Variants in QTMAN observed in about 807,000 individuals in gnomAD.
QTMAN encodes the protein tRNA-queuosine alpha-mannosyltransferase.
the QTMAN span, among the ~76,000 whole-genome samples, chr2:144,162,808 C>G: frequency 6.6e-6 from 1 of 152,106 alleles, no homozygotes; most frequent in Non-Finnish European, 1.5e-5. Flanking sequence ...GCATCTGAAG[C>G]TAAGGATGTG....
the QTMAN span, among the ~76,000 whole-genome samples, chr2:144,267,208 T>C: frequency 6.6e-6 from 1 of 152,200 alleles, no homozygotes; most frequent in Admixed American, 6.5e-5. Flanking sequence ...AGAATTATGA[T>C]TTATCTGTGA....
At chr2:144,025,518 G>A in the QTMAN span, among the ~76,000 whole-genome samples, 231 of 152,298 alleles carry the variant, frequency 1.5e-3, 3 homozygotes, top group African/African-American at 4.8e-3. Flanking sequence ...AGTGGTGCGG[G>A]GAGGGAGCTA....
At chr2:144,289,020 A>C in the QTMAN span, among the ~76,000 whole-genome samples, 25 of 151,774 alleles carry the variant, frequency 1.6e-4, no homozygotes, top group Admixed American at 3.3e-4. Flanking sequence ...ATTGTTGGAC[A>C]AGAAAATTCT....
chr2:144,056,018 C>T, the QTMAN span, among the ~76,000 whole-genome samples: 5 of 152,114 alleles, frequency 3.3e-5, no homozygotes, highest in African/African-American at 1.2e-4. Flanking sequence ...GCACCTGCTT[C>T]GGATGGTTAT....
At chr2:144,300,676 G>C in the QTMAN span, among the ~76,000 whole-genome samples, 1 of 152,106 alleles carries the variant, frequency 6.6e-6, no homozygotes, top group African/African-American at 2.4e-5. Flanking sequence ...TATACGAACT[G>C]TTCTGTATTT....
the QTMAN span, among the ~76,000 whole-genome samples, chr2:144,253,446 ATG>A: frequency 2.6e-5 from 4 of 152,208 alleles, no homozygotes; most frequent in Non-Finnish European, 5.9e-5. Context: ...AGACAGGAAA[ATG>A]TGGGAAAGTT....
chr2:144,084,189 T>C, the QTMAN span, among the ~76,000 whole-genome samples: 1 of 152,184 alleles, frequency 6.6e-6, no homozygotes. Context: ...CTAACATTCC[T>C]GAGAACCAGA....
At chr2:144,012,912 G>A in the QTMAN span, among the ~76,000 whole-genome samples, 1 of 152,102 alleles carries the variant, frequency 6.6e-6, no homozygotes, top group African/African-American at 2.4e-5. Context: ...TACATATGGG[G>A]CAGACAAGGA....
the QTMAN span, among the ~76,000 whole-genome samples, chr2:144,299,560 A>G: frequency 2.0e-5 from 3 of 152,224 alleles, no homozygotes; most frequent in African/African-American, 4.8e-5. Flanking sequence ...GGCTCACAGT[A>G]AGCCCTTACT....
At chr2:144,075,437 T>C in the QTMAN span, among the ~76,000 whole-genome samples, 1 of 152,228 alleles carries the variant, frequency 6.6e-6, no homozygotes, top group East Asian at 1.9e-4. Context: ...AGGTCTCAAG[T>C]ATTGGCTCCT....
At chr2:144,322,664 G>A in the QTMAN span, among the ~76,000 whole-genome samples, 1 of 152,140 alleles carries the variant, frequency 6.6e-6, no homozygotes, top group African/African-American at 2.4e-5. Flanking sequence ...AGCCCATTCA[G>A]ATAATTGTAG....
At chr2:144,187,927 A>G in the QTMAN span, among the ~76,000 whole-genome samples, 1 of 152,012 alleles carries the variant, frequency 6.6e-6, no homozygotes, top group Non-Finnish European at 1.5e-5. Context: ...ATAAAAAAGG[A>G]CACACACACA....
the QTMAN span, among the ~76,000 whole-genome samples, chr2:144,179,805 T>C: frequency 0.013 from 2,049 of 152,310 alleles, 49 homozygotes; most frequent in African/African-American, 0.046. Flanking sequence ...TTTCTGCAAC[T>C]TGCATACAGG....
chr2:144,132,849 T>A, the QTMAN span, among the ~76,000 whole-genome samples: 3 of 151,506 alleles, frequency 2.0e-5, no homozygotes, highest in South Asian at 4.2e-4. Context: ...TGCCAAAAAG[T>A]TGTAGGTTGT....
the QTMAN span, among the ~76,000 whole-genome samples, chr2:144,252,382 T>C: frequency 1.3e-5 from 2 of 151,866 alleles, no homozygotes; most frequent in African/African-American, 4.8e-5. Context: ...CTGTGTCTTT[T>C]AAAATAAAAT....
the QTMAN span, among the ~76,000 whole-genome samples, chr2:144,264,327 G>A: frequency 6.6e-6 from 1 of 152,138 alleles, no homozygotes; most frequent in Admixed American, 6.5e-5. Flanking sequence ...AGAATACTTT[G>A]AAACTTTTAG....
At chr2:144,311,718 A>G in the QTMAN span, among the ~76,000 whole-genome samples, 3 of 151,846 alleles carry the variant, frequency 2.0e-5, no homozygotes, top group Non-Finnish European at 2.9e-5. Context: ...TCCTCCACAG[A>G]CTCCTCTGAA....
At chr2:144,122,313 T>C in the QTMAN span, among the ~76,000 whole-genome samples, 2 of 152,132 alleles carry the variant, frequency 1.3e-5, no homozygotes, top group Non-Finnish European at 2.9e-5. Flanking sequence ...TTGAGAAAAA[T>C]AGTTTAGTGC....
chr2:144,059,522 C>A, the QTMAN span, among the ~76,000 whole-genome samples: 1 of 152,106 alleles, frequency 6.6e-6, no homozygotes, highest in African/African-American at 2.4e-5. Flanking sequence ...AGAAAGAATG[C>A]ACAGTTGGGG....
Sources: gnomAD v4.1 joint callset for allele counts (sites outside exome capture counted in the v4.1 genomes callset) on GRCh38, gnomAD v4.1.1 for gene constraint, MANE v1.5 for transcripts, NCBI Gene and HGNC (gene_info 2026-07-23, HGNC 2026-07-21) for gene names.